The following RPF2 variants were observed in gnomAD, a reference collection of about 807,000 sequenced individuals.
RPF2 encodes the protein ribosome production factor 2 homolog.
RPF2 carries 21 observed loss-of-function variants against 38.9 expected under a neutral mutation model. That is an observed-to-expected ratio of 0.54 (90% CI 0.38 to 0.78). RPF2 has a LOEUF of 0.78. Ranked by LOEUF, RPF2 falls within the 30% of genes least tolerant of loss-of-function variation. The pLI is 0.00. For missense variants in RPF2, 314 were observed against 358.1 expected, an observed-to-expected ratio of 0.88 and a Z score of 0.99; for synonymous variants, 121 against 126.2, an observed-to-expected ratio of 0.96 and a Z score of 0.28.
At chr6:111,024,354 AT>A in intron 9 of RPF2, 27 bp downstream of exon 9, 1 of 1,559,910 alleles carries the variant, frequency 6.4e-7, no homozygotes, top group Middle Eastern at 2.0e-4. Flanking sequence ...TTGGTACCAC[AT>A]TTATTTGTAT....
At position 110,991,748 on chromosome 6, in the gene RPF2, A is replaced by G. The variant is rs1176956521; in HGVS notation, c.196A>G (p.Lys66Glu). ...KKPYGVLYKKKNITRPFEDQT... is the reference protein window; with the variant it reads ...KKPYGVLYKKENITRPFEDQT... ...TTGTCACTTTTTTGATATTCTTAGG[A>G]AAAATATTACAAGACCTTTTGAGGA... The change falls in exon 4 of 10, where the codon AAA becomes GAA. Residue 66 changes from lysine (K) to glutamate (E), a missense_variant and splice_region_variant. Coordinates refer to ENST00000441448, the MANE Select transcript of RPF2 (RefSeq NM_032194.3). 13 of 1,184,762 alleles carry G rather than the reference A, an allele frequency of 1.1e-5. No homozygotes were observed. The highest frequency in any genetic ancestry group is 1.5e-5 in the Non-Finnish European group (13 of 840,970). The allele number at this position is 1,184,762 out of a possible 1,614,324, so 73.4% of individuals were successfully genotyped here.
intron 4 of RPF2, among the ~76,000 whole-genome samples, chr6:110,992,466 T>C (rs1009571397): frequency 1.4e-5 from 2 of 146,386 alleles, no homozygotes; most frequent in African/African-American, 5.2e-5. Flanking sequence ...TTTTTGAAGC[T>C]TGGGTCTTGG....
In RPF2 at chr6:110,996,786, T is replaced by TA. The variant is rs143856761; in HGVS notation, c.235-396dup. On this transcript the variant is annotated intron_variant, in intron 4 of 9. Transcript: ENST00000441448. Reference sequence around the variant, plus strand: ...ACTTCCACTGGAAGAAAAAAACTGTTAGAGTTTTTTGTTTCGTTTTGTTTT... The same window carrying TA: ...ACTTCCACTGGAAGAAAAAAACTGTTAAGAGTTTTTTGTTTCGTTTTGTTTT... Among the ~76,000 whole-genome samples the TA allele has an allele frequency of 1.5e-3, 230 of 152,252 alleles. 1 individual carries two copies. Among genetic ancestry groups the TA allele is most frequent in the African/African-American group, 4.9e-3 (205 of 41,554 alleles).
intron 4 of RPF2, among the ~76,000 whole-genome samples, chr6:110,994,916 TTTAA>T (rs1162929066): frequency 6.6e-6 from 1 of 151,950 alleles, no homozygotes; most frequent in Non-Finnish European, 1.5e-5. Context: ...ATATATATAT[TTTAA>T]TTGAGACAGG....
rs1355951148 is a variant in RPF2, at chr6:111,008,031, T to C, written c.394-7T>C. The C allele has an allele frequency of 4.5e-6, 7 of 1,559,940 alleles. No individual in the cohort carries two copies. In the African/African-American group the frequency reaches 9.8e-5, roughly 22 times the overall value. ...ATTATATAATTGCTTTTTTTTTTTT[T>C]TTTTAGAACAGTAAATGTCCTGAGG... is the stretch of plus-strand genomic sequence containing the variant. On this transcript the variant is annotated splice_polypyrimidine_tract_variant and splice_region_variant and intron_variant, in intron 6 of 9. Transcript: ENST00000441448.
intron 4 of RPF2, among the ~76,000 whole-genome samples, chr6:110,996,657 A>G (rs932797960): frequency 6.6e-6 from 1 of 152,212 alleles, no homozygotes; most frequent in Non-Finnish European, 1.5e-5. Flanking sequence ...TAGTCTTGAA[A>G]TGCACATCTT....
chr6:111,002,575 C>T (rs1307040198), intron 6 of RPF2, among the ~76,000 whole-genome samples: 1 of 152,054 alleles, frequency 6.6e-6, no homozygotes, highest in Non-Finnish European at 1.5e-5. Flanking sequence ...TCAAGCGATC[C>T]TCCCGCCTTG....
intron 5 of RPF2, 141 bp downstream of exon 5, chr6:110,997,405 A>C: frequency 1.7e-6 from 1 of 598,762 alleles, no homozygotes; most frequent in South Asian, 1.9e-5. Context: ...AGAGTAAGAG[A>C]CTGAGGGAAG....
At chr6:111,019,757 G>A (rs1019449502) in intron 8 of RPF2, among the ~76,000 whole-genome samples, 1 of 151,846 alleles carries the variant, frequency 6.6e-6, no homozygotes, top group Admixed American at 6.6e-5. Flanking sequence ...AATAAAAATT[G>A]TATAAAATTA....
intron 2 of RPF2, among the ~76,000 whole-genome samples, chr6:110,985,595 C>A (rs1196749150): frequency 1.3e-5 from 2 of 152,116 alleles, no homozygotes; most frequent in Non-Finnish European, 2.9e-5. Flanking sequence ...AAAGTTCTTA[C>A]ACTGTGCTGT....
At chr6:111,012,140 T>G (rs544382805) in intron 7 of RPF2, among the ~76,000 whole-genome samples, 3 of 151,862 alleles carry the variant, frequency 2.0e-5, no homozygotes, top group South Asian at 2.1e-4. Context: ...CCCATTTTGT[T>G]CATTCTTAAT....
chr6:110,999,509 A>C (rs1318499303), intron 5 of RPF2, among the ~76,000 whole-genome samples: 1 of 152,192 alleles, frequency 6.6e-6, no homozygotes, highest in African/African-American at 2.4e-5. Flanking sequence ...TGGGCTAAGT[A>C]ATATCTGAGA....
chr6:111,017,814 G>A (rs1385250622), intron 8 of RPF2, among the ~76,000 whole-genome samples: 1 of 151,614 alleles, frequency 6.6e-6, no homozygotes, highest in African/African-American at 2.4e-5. Flanking sequence ...ACGGGGTGGC[G>A]GCCAGGCAGA....
intron 7 of RPF2, among the ~76,000 whole-genome samples, chr6:111,012,162 A>ATTTTTTTTTTTTTTTTTTTT (rs570516659): frequency 8.6e-6 from 1 of 115,628 alleles, no homozygotes; most frequent in Non-Finnish European, 1.8e-5. Flanking sequence ...TGTTTACATC[A>ATTTTTTTTTTTTTTTTTTTT]TTTTTTTTTT....
intron 1 of RPF2, 143 bp from the exon 2 acceptor site, chr6:110,984,863 C>CA (rs1014233981): frequency 1.0e-4 from 94 of 935,120 alleles, no homozygotes; most frequent in African/African-American, 7.3e-4. Flanking sequence ...AAAAAACAAA[C>CA]AAAAAAAAGA....
At chr6:111,005,200 A>T (rs933592719) in intron 6 of RPF2, among the ~76,000 whole-genome samples, 8 of 152,200 alleles carry the variant, frequency 5.3e-5, no homozygotes, top group African/African-American at 1.7e-4. Flanking sequence ...GAGAATGTCA[A>T]CAAGAGTGGT....
intron 6 of RPF2, among the ~76,000 whole-genome samples, chr6:111,003,789 A>G (rs1771855109): frequency 6.6e-6 from 1 of 152,080 alleles, no homozygotes; most frequent in Non-Finnish European, 1.5e-5. Context: ...CTACACTGCA[A>G]TCTAGCCTGG....
intron 7 of RPF2, among the ~76,000 whole-genome samples, chr6:111,015,021 G>A (rs7775070): frequency 0.16 from 24,397 of 152,034 alleles, 2,481 homozygotes; most frequent in East Asian, 0.53. Context: ...TAAGCAATTC[G>A]CCCGCCTCAG....
At chr6:111,015,633 A>G (rs1284692290) in intron 7 of RPF2, 121 bp from the exon 8 acceptor site, 1 of 666,470 alleles carries the variant, frequency 1.5e-6, no homozygotes, top group African/African-American at 1.8e-5. Context: ...ATTTTTCAGG[A>G]ATCATTTTTT....
Sources: allele counts gnomAD v4.1 joint callset (sites outside exome capture counted in the v4.1 genomes callset), GRCh38; gene constraint gnomAD v4.1.1; transcripts MANE v1.5; gene names NCBI Gene and HGNC (gene_info 2026-07-23, HGNC 2026-07-21).